FER1L6: variants seen among roughly 807,000 people sequenced by gnomAD.
FER1L6 encodes fer-1-like protein 6.
Under a neutral mutation model 219.2 loss-of-function variants are expected in FER1L6, and 177 were observed. The observed-to-expected ratio is 0.81, with a 90% CI of 0.71 to 0.91. The LOEUF (loss-of-function observed/expected upper bound fraction) is 0.91. Ranked by LOEUF, FER1L6 falls within the 40% of genes least tolerant of loss-of-function variation. FER1L6 has a pLI of 0.00. For missense variants in FER1L6, 2,153 were observed against 2,259.9 expected (o/e 0.95, Z 0.96); for synonymous variants, 768 against 824.3 (o/e 0.93, Z 1.17).
Position 124,061,876 on chromosome 8 carries a change from C to G in FER1L6, c.3172C>G (p.His1058Asp), listed in dbSNP as rs1313695589. ...EVELPENELL[H>D]PPLSICVVDW... is the part of the protein sequence containing the mutation. ...GGAACTGCCTGAGAACGAGCTTCTG[C>G]ACCCGCCACTGAGCATCTGCGTGGT... The change falls in exon 25 of 41, where the codon CAC (histidine) becomes GAC (aspartate). Residue 1058 changes from histidine to aspartate, a missense_variant. Physicochemically the swap from His to Asp is moderately conservative, Grantham distance 81. Transcript: ENST00000522917. 1.9e-6 allele frequency: 3 copies of G among 1,613,872 alleles called. No homozygotes were observed. In the Admixed American group the frequency reaches 5.0e-5, roughly 27 times the overall value.
At position 124,060,167 on chromosome 8, in the gene FER1L6, C is replaced by G; in HGVS notation, c.2875-13C>G. On this transcript the variant is annotated splice_polypyrimidine_tract_variant and intron_variant, in intron 22 of 40. Transcript: ENST00000522917. The stretch of plus-strand genomic sequence containing the variant: ...CTCTCCAGCATCTAACTCATACTTG[C>G]CTTGTGCGGTAGGTTCCTCCTTCTG... 1 of 1,603,498 alleles carries G rather than the reference C, an allele frequency of 6.2e-7. No individual in the cohort carries two copies.
At chr8:123,902,902 G>A (rs1345143749) in intron 1 of FER1L6, among the ~76,000 whole-genome samples, 1 of 152,126 alleles carries the variant, frequency 6.6e-6, no homozygotes, top group Non-Finnish European at 1.5e-5. Context: ...TAGGTCCGGT[G>A]TGATTTATGC....
At chr8:123,907,171 C>T (rs1205524021) in intron 1 of FER1L6, among the ~76,000 whole-genome samples, 3 of 152,156 alleles carry the variant, frequency 2.0e-5, no homozygotes, top group Non-Finnish European at 4.4e-5. Flanking sequence ...TTGCCAAATT[C>T]TTGACAAGAT....
chr8:123,980,904 A>G (rs1816296106), intron 11 of FER1L6, 93 bp downstream of exon 11: 6 of 1,089,568 alleles, frequency 5.5e-6, no homozygotes, highest in Non-Finnish European at 7.8e-6. Flanking sequence ...TGTTGTCAGA[A>G]TATGTCTTAT....
rs527363336 is a variant in FER1L6 at position 123,883,138 on chromosome 8, GAGA to G, written c.-8+30956_-8+30958del. The stretch of plus-strand genomic sequence containing the variant: ...AAATTTGAGCTGAGATATGAATAAT[GAGA>G]AGGTGTGAACAATGGTAAGAAGCCA... On this transcript the variant is annotated intron_variant, in intron 1 of 40. Transcript: ENST00000522917. Among the ~76,000 whole-genome samples the G allele has an allele frequency of 2.6e-5, 4 of 152,324 alleles. 1 individual carries two copies. The East Asian group carries it at 5.8e-4, about 22-fold the overall frequency.
chr8:123,880,147 C>T (rs577057349), intron 1 of FER1L6, among the ~76,000 whole-genome samples: 1 of 152,218 alleles, frequency 6.6e-6, no homozygotes, highest in South Asian at 2.1e-4. Flanking sequence ...GTCGGCATCC[C>T]CTCTTCCCCG....
intron 1 of FER1L6, among the ~76,000 whole-genome samples, chr8:123,936,471 T>TC (rs1563694349): frequency 1.6e-5 from 2 of 127,046 alleles, no homozygotes; most frequent in East Asian, 2.6e-4. Flanking sequence ...TGTTTTTTTT[T>TC]TTTTTTTTTT....
At chr8:123,933,810 T>C (rs1041866594) in intron 1 of FER1L6, among the ~76,000 whole-genome samples, 17 of 152,220 alleles carry the variant, frequency 1.1e-4, no homozygotes, top group Non-Finnish European at 2.2e-4. Context: ...TGCTTTTTTT[T>C]CCAGCTTTTT....
At chr8:123,998,394 C>T (rs1485691195) in intron 12 of FER1L6, among the ~76,000 whole-genome samples, 1 of 147,558 alleles carries the variant, frequency 6.8e-6, no homozygotes, top group Admixed American at 6.8e-5. Context: ...CTCTCTCTCT[C>T]TCTCTCTCTC....
chr8:123,917,066 A>G (rs1479873067), intron 1 of FER1L6, among the ~76,000 whole-genome samples: 1 of 152,242 alleles, frequency 6.6e-6, no homozygotes, highest in East Asian at 1.9e-4. Context: ...GATTTTTATC[A>G]TTTAGTAATT....
chr8:124,019,951 A>G (rs1818383128), intron 16 of FER1L6, among the ~76,000 whole-genome samples: 1 of 152,098 alleles, frequency 6.6e-6, no homozygotes, highest in Non-Finnish European at 1.5e-5. Context: ...TTTGAGCAAG[A>G]GGAAACACCA....
At chr8:124,050,244 G>C (rs1379506032) in intron 22 of FER1L6, among the ~76,000 whole-genome samples, 4 of 152,136 alleles carry the variant, frequency 2.6e-5, no homozygotes, top group Admixed American at 6.5e-5. Context: ...CACACAGCTG[G>C]GTGAACTGAG....
chr8:124,050,233 T>G (rs1819945508), intron 22 of FER1L6, among the ~76,000 whole-genome samples: 1 of 152,220 alleles, frequency 6.6e-6, no homozygotes, highest in African/African-American at 2.4e-5. Flanking sequence ...GACTGACTTA[T>G]CACACAGCTG....
At chr8:124,104,939 C>A (rs1822704181) in intron 39 of FER1L6, among the ~76,000 whole-genome samples, 3 of 152,158 alleles carry the variant, frequency 2.0e-5, no homozygotes, top group Admixed American at 1.3e-4. Context: ...TCTCTGTTAT[C>A]ATAGAGCTTA....
intron 27 of FER1L6, among the ~76,000 whole-genome samples, 187 bp downstream of exon 27, chr8:124,066,737 C>A (rs1820846376): frequency 6.6e-6 from 1 of 152,124 alleles, no homozygotes; most frequent in South Asian, 2.1e-4. Context: ...TACAAAATTC[C>A]TACTTTTTGG....
Position 124,034,650 on chromosome 8 carries a change from C to T in FER1L6, c.2287-627C>T, listed in dbSNP as rs575920153. The stretch of plus-strand genomic sequence containing the variant: ...TCTGAGACCACACTGCATGAGGAAG[C>T]GGTGAAGGTGTTTAGCCAGGAGGAA... On this transcript the variant is annotated intron_variant, in intron 18 of 40. Transcript: ENST00000522917. Among the ~76,000 whole-genome samples, 117 of 152,262 alleles carry T rather than the reference C, an allele frequency of 7.7e-4. 1 individual carries two copies. Among genetic ancestry groups the T allele is most frequent in the African/African-American group, 2.5e-3 (105 of 41,552 alleles).
intron 35 of FER1L6, among the ~76,000 whole-genome samples, chr8:124,096,337 C>A (rs1238663052): frequency 6.6e-6 from 1 of 152,182 alleles, no homozygotes; most frequent in African/African-American, 2.4e-5. Context: ...CCTTTGCTTA[C>A]ATTTTCTCTT....
chr8:124,081,605 C>CAAAAAA, intron 32 of FER1L6, among the ~76,000 whole-genome samples: 1 of 53,022 alleles, frequency 1.9e-5, no homozygotes, highest in Non-Finnish European at 4.1e-5. Flanking sequence ...ATGCAGAGAC[C>CAAAAAA]AAAAAAAAAA....
In FER1L6 at chr8:123,895,084, T is replaced by C. The variant is rs1403092238; in HGVS notation, c.-8+42899T>C. On this transcript the variant is annotated intron_variant, in intron 1 of 40. Coordinates refer to ENST00000522917, the MANE Select transcript of FER1L6 (RefSeq NM_001039112.2). ...CAAACTGAGATTGTATGCCAACTGATAGGATGAAATGAGAAGATTGCATCA... is the reference window on the plus strand; with the variant it reads ...CAAACTGAGATTGTATGCCAACTGACAGGATGAAATGAGAAGATTGCATCA... Among the ~76,000 whole-genome samples the C allele has an allele frequency of 1.3e-5, 2 of 152,194 alleles. 1 individual carries two copies. The highest frequency in any genetic ancestry group is 2.9e-5 in the Non-Finnish European group (2 of 68,032).
Sources: allele counts gnomAD v4.1 joint callset (sites outside exome capture counted in the v4.1 genomes callset), GRCh38; gene constraint gnomAD v4.1.1; transcripts MANE v1.5; gene names NCBI Gene and HGNC (gene_info 2026-07-23, HGNC 2026-07-21).